CCNYL1: variants seen among roughly 807,000 people sequenced by gnomAD.
CCNYL1 encodes cyclin Y like 1.
In CCNYL1, 16 loss-of-function variants were observed where a neutral mutation model predicts 44.2. The ratio of observed to expected loss-of-function variants is 0.36; its 90% confidence interval spans 0.25 to 0.55. The LOEUF (loss-of-function observed/expected upper bound fraction) is 0.55, where lower values mean the gene tolerates loss of function less well. Ranked by LOEUF, CCNYL1 falls within the 20% of genes least tolerant of loss-of-function variation. The pLI is 0.85. For synonymous variants in CCNYL1, 159 were observed against 163.2 expected, an observed-to-expected ratio of 0.97 and a Z score of 0.20; for missense variants, 348 against 451.8, an observed-to-expected ratio of 0.77 and a Z score of 2.08.
chr2:207,720,865 T>G (rs760893522), intron 1 of CCNYL1, among the ~76,000 whole-genome samples: 3 of 152,222 alleles, frequency 2.0e-5, no homozygotes, highest in Non-Finnish European at 4.4e-5. Context: ...AAAGCAAGAC[T>G]GAACACTGAC....
intron 7 of CCNYL1, among the ~76,000 whole-genome samples, chr2:207,744,600 C>A (rs13003848): frequency 0.39 from 59,593 of 151,090 alleles, 12,148 homozygotes; most frequent in Middle Eastern, 0.55. Flanking sequence ...GAACTCCCGA[C>A]CTCAGGTGAT....
chr2:207,724,772 G>A (rs1271737584), intron 1 of CCNYL1, 28 bp from the exon 2 acceptor site: 1 of 1,524,746 alleles, frequency 6.6e-7, no homozygotes, highest in Admixed American at 1.7e-5. Flanking sequence ...CACCTAAAGT[G>A]TCACGTCTTT....
chr2:207,737,096 T>C lies in CCNYL1; in HGVS notation c.432-315T>C, dbSNP rs1033120843. ...ACGCCCGGCTAATTTTTTGTATTTTTAGTAGAGACGGGGTTTCACCGTGTT... is the reference window on the plus strand; with the variant it reads ...ACGCCCGGCTAATTTTTTGTATTTTCAGTAGAGACGGGGTTTCACCGTGTT... On this transcript the variant is annotated intron_variant, in intron 4 of 9. Coordinates refer to ENST00000295414, the MANE Select transcript of CCNYL1 (RefSeq NM_001330218.2). Among the ~76,000 whole-genome samples, 7 of 152,182 alleles carry C rather than the reference T, an allele frequency of 4.6e-5. No individual in the cohort carries two copies. The East Asian group carries it at 7.7e-4, about 17-fold the overall frequency.
intron 8 of CCNYL1, among the ~76,000 whole-genome samples, chr2:207,749,197 A>G (rs1260824195): frequency 6.6e-6 from 1 of 152,252 alleles, no homozygotes; most frequent in African/African-American, 2.4e-5. Flanking sequence ...GGGAAGCACC[A>G]GGAGCTATGC....
intron 7 of CCNYL1, among the ~76,000 whole-genome samples, chr2:207,743,970 C>T (rs1273678668): frequency 6.6e-6 from 1 of 152,046 alleles, no homozygotes; most frequent in Non-Finnish European, 1.5e-5. Flanking sequence ...AGAGGAGAGG[C>T]AGATTGAACA....
intron 7 of CCNYL1, among the ~76,000 whole-genome samples, chr2:207,743,071 T>A (rs562664344): frequency 7.2e-5 from 11 of 152,364 alleles, no homozygotes; most frequent in Admixed American, 1.3e-4. Context: ...AGGGAAAGAA[T>A]ACTTAGGTCA....
intron 4 of CCNYL1, 92 bp from the exon 5 acceptor site, chr2:207,737,319 A>G (rs1163581447): frequency 2.2e-6 from 2 of 917,196 alleles, no homozygotes; most frequent in Admixed American, 4.1e-5. Flanking sequence ...GGCCGCTAGG[A>G]GGGTTCCTCC....
At chr2:207,729,264 CCACCCCACCCCCCCCA>C (rs1437772233) in intron 3 of CCNYL1, among the ~76,000 whole-genome samples, 2 of 104,200 alleles carry the variant, frequency 1.9e-5, no homozygotes, top group African/African-American at 5.1e-5. Flanking sequence ...CCCCCCGCCC[CCACCCCACCCCCCCCA>C]CCCCCCCGCA....
At chr2:207,737,311 C>A in intron 4 of CCNYL1, 100 bp from the exon 5 acceptor site, 3 of 846,264 alleles carry the variant, frequency 3.5e-6, no homozygotes, top group South Asian at 2.9e-5. Flanking sequence ...GATTTCAGGG[C>A]CGCTAGGAGG....
chr2:207,744,977 T>C (rs1404237687), intron 7 of CCNYL1, among the ~76,000 whole-genome samples: 1 of 152,116 alleles, frequency 6.6e-6, no homozygotes, highest in Non-Finnish European at 1.5e-5. Flanking sequence ...AAATGCCCTG[T>C]ACAATATTAG....
rs1265250996 is a variant in CCNYL1 at position 207,711,661 on chromosome 2, A to AGGC, written c.-229_-227dup. Reference sequence around the variant, plus strand: ...CCTCGCAGACGAGTCAGCTTAAGGGAGGCGGCGGCAGCGCGGCGGTGGGGG... The same window carrying AGGC: ...CCTCGCAGACGAGTCAGCTTAAGGGAGGCGGCGGCGGCAGCGCGGCGGTGGGGG... On this transcript the variant is annotated 5_prime_UTR_variant, in exon 1 of 10. Coordinates refer to ENST00000295414, the MANE Select transcript of CCNYL1 (RefSeq NM_001330218.2). The AGGC allele has an allele frequency of 1.3e-5, 2 of 153,278 alleles. No homozygotes were observed. Among genetic ancestry groups the AGGC allele is most frequent in the Non-Finnish European group, 2.9e-5 (2 of 69,538 alleles). The allele number at this position is 153,278 out of a possible 1,614,324, so 9.5% of individuals were successfully genotyped here.
intron 6 of CCNYL1, 21 bp downstream of exon 6, chr2:207,740,727 GGTA>G (rs1187813069): frequency 6.5e-7 from 1 of 1,538,726 alleles, no homozygotes; most frequent in Non-Finnish European, 9.0e-7. Flanking sequence ...CTTTTTTTGA[GGTA>G]GTATTTTTCT....
At chr2:207,751,605 AG>A (rs2091891342) in intron 9 of CCNYL1, among the ~76,000 whole-genome samples, 1 of 152,236 alleles carries the variant, frequency 6.6e-6, no homozygotes, top group Admixed American at 6.5e-5. Flanking sequence ...CTGTAAGCCC[AG>A]CACTTTGGGA....
At chr2:207,727,205 C>T (rs978737694) in intron 3 of CCNYL1, among the ~76,000 whole-genome samples, 3 of 152,100 alleles carry the variant, frequency 2.0e-5, no homozygotes, top group African/African-American at 7.2e-5. Flanking sequence ...TCATTTTTAG[C>T]ACTATATGTT....
At chr2:207,737,325 C>G in intron 4 of CCNYL1, 86 bp from the exon 5 acceptor site, 1 of 977,640 alleles carries the variant, frequency 1.0e-6, no homozygotes, top group Middle Eastern at 2.0e-4. Flanking sequence ...TAGGAGGGTT[C>G]CTCCCTTCCC....
At chr2:207,726,110 C>G (rs1227966396) in intron 2 of CCNYL1, among the ~76,000 whole-genome samples, 2 of 152,164 alleles carry the variant, frequency 1.3e-5, no homozygotes, top group Non-Finnish European at 2.9e-5. Flanking sequence ...CTATCCCATG[C>G]TCCTCTTTCT....
At chr2:207,718,282 G>A (rs1433108103) in intron 1 of CCNYL1, among the ~76,000 whole-genome samples, 3 of 152,154 alleles carry the variant, frequency 2.0e-5, no homozygotes, top group Non-Finnish European at 2.9e-5. Flanking sequence ...GCAGAGGCAG[G>A]AGGATTGCTT....
In CCNYL1 at chr2:207,755,918, CCTCTAT is replaced by C. The variant is rs2091928699; in HGVS notation, c.*2221_*2226del. 6.6e-6 allele frequency: 1 copy of C among 151,494 alleles called. No homozygotes were observed. Among genetic ancestry groups the C allele is most frequent in the South Asian group, 2.1e-4 (1 of 4,826 alleles). 9.4% of individuals were successfully genotyped at this position (151,494 alleles called of 1,614,324 possible). ...AAGCATTTCTGGGACAGGAGTACTT[CCTCTAT>C]TATAGCAATGCTTCACATCATATTG... is the stretch of plus-strand genomic sequence containing the variant. On this transcript the variant is annotated 3_prime_UTR_variant, in exon 10 of 10. Coordinates refer to ENST00000295414, the MANE Select transcript of CCNYL1 (RefSeq NM_001330218.2).
chr2:207,745,346 C>T (rs2091847062), intron 7 of CCNYL1, among the ~76,000 whole-genome samples: 1 of 152,192 alleles, frequency 6.6e-6, no homozygotes, highest in Non-Finnish European at 1.5e-5. Context: ...AAGAAAAGAA[C>T]TCTCACACTG....
Sources: gnomAD v4.1 joint callset for allele counts (sites outside exome capture counted in the v4.1 genomes callset) on GRCh38, gnomAD v4.1.1 for gene constraint, MANE v1.5 for transcripts, NCBI Gene and HGNC (gene_info 2026-07-23, HGNC 2026-07-21) for gene names.